The following DNAH14 variants were observed in gnomAD, a reference collection of about 807,000 sequenced individuals.
DNAH14 encodes dynein axonemal heavy chain 14, also known as axonemal beta dynein heavy chain 14.
Under a neutral mutation model 520.9 loss-of-function variants are expected in DNAH14, and 478 were observed. The observed-to-expected ratio is 0.92, with a 90% CI of 0.85 to 0.99. DNAH14 has a LOEUF of 0.99. Ranked by LOEUF, DNAH14 falls within the 50% of genes least tolerant of loss-of-function variation. DNAH14 has a pLI of 0.00. For missense variants in DNAH14, 4,831 were observed against 5,234.5 expected (o/e 0.92, Z 2.38); for synonymous variants, 1,581 against 1,757.2 (o/e 0.90, Z 2.51).
chr1:225,113,644 G>T (rs2076648722), intron 23 of DNAH14, among the ~76,000 whole-genome samples: 1 of 152,138 alleles, frequency 6.6e-6, no homozygotes, highest in South Asian at 2.1e-4. Flanking sequence ...AGAAACCTTA[G>T]AAATATACTT....
At chr1:224,954,508 A>C (rs894993993) in intron 2 of DNAH14, 1 of 152,936 alleles carries the variant, frequency 6.5e-6, no homozygotes, top group Non-Finnish European at 1.5e-5. Context: ...TCCTGTGAAA[A>C]AAAAGGAAGG....
intron 64 of DNAH14, among the ~76,000 whole-genome samples, chr1:225,329,808 C>T (rs1259967682): frequency 6.6e-6 from 1 of 152,020 alleles, no homozygotes; most frequent in Non-Finnish European, 1.5e-5. Flanking sequence ...AATGGGATCA[C>T]ATCAAGTTAA....
intron 41 of DNAH14, among the ~76,000 whole-genome samples, chr1:225,219,999 C>T (rs1283575336): frequency 6.6e-6 from 1 of 152,174 alleles, no homozygotes; most frequent in East Asian, 1.9e-4. Context: ...AAGGCTGGTT[C>T]AACATATGCA....
chr1:224,976,781 C>T (rs576249898), intron 8 of DNAH14, among the ~76,000 whole-genome samples: 1 of 151,734 alleles, frequency 6.6e-6, no homozygotes, highest in East Asian at 1.9e-4. Flanking sequence ...ATCAAAACCA[C>T]AATGAGATAC....
chr1:225,129,841 T>C (rs553226827), intron 27 of DNAH14, among the ~76,000 whole-genome samples: 1 of 151,858 alleles, frequency 6.6e-6, no homozygotes, highest in African/African-American at 2.4e-5. Flanking sequence ...ACTAAAGAGC[T>C]TCTGCACAGC....
At chr1:225,093,050 C>T (rs983547921) in intron 21 of DNAH14, among the ~76,000 whole-genome samples, 9 of 151,740 alleles carry the variant, frequency 5.9e-5, no homozygotes, top group African/African-American at 2.2e-4. Context: ...GAATAGATCA[C>T]AGCCAAATTC....
At chr1:225,364,565 A>G (rs917227767) in intron 75 of DNAH14, among the ~76,000 whole-genome samples, 4 of 151,406 alleles carry the variant, frequency 2.6e-5, no homozygotes, top group African/African-American at 7.3e-5. Context: ...TGCAATGAGT[A>G]TATGATCACT....
At chr1:225,133,575 A>C (rs927622489) in intron 27 of DNAH14, among the ~76,000 whole-genome samples, 10 of 152,112 alleles carry the variant, frequency 6.6e-5, no homozygotes, top group Non-Finnish European at 1.5e-4. Flanking sequence ...GTTCTGTTAC[A>C]TTGGTCTATG....
chr1:224,956,075 T>C (rs1403232644), intron 3 of DNAH14, among the ~76,000 whole-genome samples: 3 of 152,186 alleles, frequency 2.0e-5, no homozygotes, highest in Non-Finnish European at 4.4e-5. Flanking sequence ...TATTTTATTA[T>C]TTGACCACTT....
chr1:225,284,753 C>T (rs2093698669), intron 54 of DNAH14, among the ~76,000 whole-genome samples: 1 of 152,056 alleles, frequency 6.6e-6, no homozygotes, highest in African/African-American at 2.4e-5. Context: ...CTTAACAAAC[C>T]AAAACCAGCA....
At chr1:225,023,364 CT>C (rs373448459) in intron 10 of DNAH14, among the ~76,000 whole-genome samples, 3,774 of 144,658 alleles carry the variant, frequency 0.026, 124 homozygotes, top group African/African-American at 0.078. Context: ...TCTCCTCTGT[CT>C]TTTTTTTTTT....
At chr1:225,009,802 C>T (rs1466212436) in intron 10 of DNAH14, among the ~76,000 whole-genome samples, 1 of 152,070 alleles carries the variant, frequency 6.6e-6, no homozygotes, top group East Asian at 1.9e-4. Context: ...TTGTAGTTCT[C>T]CTTGAAGAGG....
At chr1:225,018,604 A>G (rs1017484604) in intron 10 of DNAH14, among the ~76,000 whole-genome samples, 3 of 152,160 alleles carry the variant, frequency 2.0e-5, no homozygotes, top group Non-Finnish European at 2.9e-5. Flanking sequence ...ATAGTCATCA[A>G]ATTCTCCAAG....
chr1:225,130,015 A>C (rs1417297328), intron 27 of DNAH14, among the ~76,000 whole-genome samples: 2 of 152,238 alleles, frequency 1.3e-5, no homozygotes, highest in Non-Finnish European at 1.5e-5. Flanking sequence ...AAGGGATATG[A>C]ACAGACACTT....
chr1:225,033,558 T>G (rs1366033506), intron 11 of DNAH14, among the ~76,000 whole-genome samples: 3 of 151,996 alleles, frequency 2.0e-5, no homozygotes, highest in Middle Eastern at 3.2e-3. Context: ...CTTGGCTATT[T>G]GGGCTCTTTT....
At chr1:225,204,369 T>G (rs942437154) in intron 39 of DNAH14, 96 bp downstream of exon 39, 5 of 733,534 alleles carry the variant, frequency 6.8e-6, no homozygotes, top group African/African-American at 1.9e-5. Context: ...GTTTTTTGAC[T>G]GGTAATATTT....
chr1:225,322,290 T>C (rs2094573074), intron 61 of DNAH14, among the ~76,000 whole-genome samples: 1 of 151,852 alleles, frequency 6.6e-6, no homozygotes, highest in Non-Finnish European at 1.5e-5. Context: ...GGTTTCGCCA[T>C]GTTGGCCAGG....
rs544697251 is a variant in DNAH14 at position 225,236,220 on chromosome 1, A to G, written c.6519-4373A>G. The stretch of plus-strand genomic sequence containing the variant: ...AGCTGCATCCCAGAGATTCTGGTAC[A>G]TTATCTGTTTGTTTGCATTAGTTTC... On this transcript the variant is annotated intron_variant, in intron 42 of 85. Transcript: ENST00000682510. Among the ~76,000 whole-genome samples the G allele has an allele frequency of 5.9e-5, 9 of 152,148 alleles. No individual in the cohort carries two copies. In the East Asian group the frequency reaches 1.5e-3, roughly 26 times the overall value.
intron 10 of DNAH14, among the ~76,000 whole-genome samples, chr1:225,020,712 T>C (rs761608105): frequency 3.3e-4 from 50 of 151,988 alleles, no homozygotes; most frequent in Non-Finnish European, 6.5e-4. Flanking sequence ...CCTTGGACCA[T>C]ATGGATTTGA....
Sources: gnomAD v4.1 joint callset for allele counts (sites outside exome capture counted in the v4.1 genomes callset) on GRCh38, gnomAD v4.1.1 for gene constraint, MANE v1.5 for transcripts, NCBI Gene and HGNC (gene_info 2026-07-23, HGNC 2026-07-21) for gene names.